Variants in TIAM2 observed in about 807,000 individuals in gnomAD.
The protein encoded by TIAM2 is TIAM Rac1 associated GEF 2.
In TIAM2, 80 loss-of-function variants were observed where a neutral mutation model predicts 152.9. That is an observed-to-expected ratio of 0.52 (90% CI 0.44 to 0.63). The LOEUF (loss-of-function observed/expected upper bound fraction) is 0.63. Among genes scored for constraint, TIAM2 ranks in the 30% least tolerant of loss-of-function variants. The pLI is 0.00. For missense variants in TIAM2, 1,965 were observed against 2,120.1 expected (o/e 0.93, Z 1.44); for synonymous variants, 804 against 838.0 (o/e 0.96, Z 0.70).
intron 2 of TIAM2, among the ~76,000 whole-genome samples, chr6:155,104,054 A>AC (rs67334202): frequency 2.0e-5 from 1 of 50,642 alleles, no homozygotes; most frequent in Non-Finnish European, 3.6e-5. Flanking sequence ...CCCCCCCCAC[A>AC]CCCCCACACA....
chr6:155,035,309 C>A (rs1776902762), intron 1 of TIAM2, among the ~76,000 whole-genome samples: 1 of 151,574 alleles, frequency 6.6e-6, no homozygotes, highest in African/African-American at 2.4e-5. Flanking sequence ...TGCATTTCCA[C>A]CTCCCGGGTT....
chr6:155,125,565 G>A (rs1032898668), intron 2 of TIAM2, among the ~76,000 whole-genome samples: 11 of 152,124 alleles, frequency 7.2e-5, no homozygotes, highest in Admixed American at 5.9e-4. Flanking sequence ...AGGGCTGGGC[G>A]CGGTGGCTCA....
At chr6:155,182,836 G>T (rs545154142) in intron 13 of TIAM2, among the ~76,000 whole-genome samples, 47 of 152,332 alleles carry the variant, frequency 3.1e-4, no homozygotes, top group African/African-American at 1.1e-3. Flanking sequence ...CTTGAACCGG[G>T]GAGACAGAGG....
chr6:155,032,055 GCGTGTAC>G (rs1776832499), intron 1 of TIAM2, among the ~76,000 whole-genome samples: 1 of 152,096 alleles, frequency 6.6e-6, no homozygotes, highest in Non-Finnish European at 1.5e-5. Flanking sequence ...TCAAAGTATA[GCGTGTAC>G]TTTATACGAT....
At chr6:155,172,660 ATATATATATATATATATATATATATATTT>A (rs1320218565) in intron 9 of TIAM2, among the ~76,000 whole-genome samples, 6 of 35,054 alleles carry the variant, frequency 1.7e-4, no homozygotes, top group African/African-American at 4.8e-4. Flanking sequence ...ATATATATAT[ATATATATATATATATATATATATATATTT>A]TTTTTTTTTT....
At chr6:155,124,331 CT>C (rs926381828) in intron 2 of TIAM2, among the ~76,000 whole-genome samples, 97 of 148,152 alleles carry the variant, frequency 6.5e-4, no homozygotes, top group African/African-American at 2.2e-3. Flanking sequence ...AGGTTTTGAA[CT>C]TTTTTTTTCT....
chr6:155,068,660 T>C (rs978756751), intron 1 of TIAM2, among the ~76,000 whole-genome samples: 1 of 149,158 alleles, frequency 6.7e-6, no homozygotes, highest in Non-Finnish European at 1.5e-5. Context: ...TTTCACCATG[T>C]TGGCCAGGCT....
intron 1 of TIAM2, among the ~76,000 whole-genome samples, chr6:155,024,489 A>G (rs1776559671): frequency 1.3e-5 from 2 of 151,736 alleles, no homozygotes; most frequent in South Asian, 4.1e-4. Context: ...GGGGTAAGTT[A>G]TCTTTGCCTT....
At chr6:155,088,386 A>G (rs958695452) in intron 1 of TIAM2, among the ~76,000 whole-genome samples, 2 of 152,248 alleles carry the variant, frequency 1.3e-5, no homozygotes, top group South Asian at 4.1e-4. Context: ...CGGCCCCGGT[A>G]TAGGTGTATT....
At chr6:155,161,257 G>A (rs763646856) in intron 7 of TIAM2, among the ~76,000 whole-genome samples, 4 of 152,118 alleles carry the variant, frequency 2.6e-5, no homozygotes, top group Non-Finnish European at 5.9e-5. Context: ...CACATTGTTG[G>A]CTCACTGCAA....
chr6:155,247,350 A>G (rs878911296), intron 19 of TIAM2, among the ~76,000 whole-genome samples: 1 of 151,954 alleles, frequency 6.6e-6, no homozygotes, highest in Non-Finnish European at 1.5e-5. Flanking sequence ...TTTTTTTGAG[A>G]TGGAGTCTCA....
chr6:155,157,938 C>T (rs1163674121), intron 7 of TIAM2, among the ~76,000 whole-genome samples: 1 of 152,098 alleles, frequency 6.6e-6, no homozygotes, highest in African/African-American at 2.4e-5. Context: ...GGAATTATAT[C>T]TCAAAGGAAA....
At chr6:155,139,334 C>A (rs1779635349) in intron 5 of TIAM2, among the ~76,000 whole-genome samples, 2 of 152,288 alleles carry the variant, frequency 1.3e-5, no homozygotes, top group South Asian at 4.1e-4. Context: ...CAAGTGATAC[C>A]TTTTCCTAGC....
intron 5 of TIAM2, among the ~76,000 whole-genome samples, chr6:155,142,306 C>G (rs918788336): frequency 6.6e-6 from 1 of 152,126 alleles, no homozygotes; most frequent in Non-Finnish European, 1.5e-5. Flanking sequence ...TGGCCTGGCT[C>G]TAATGTGAAA....
intron 2 of TIAM2, among the ~76,000 whole-genome samples, chr6:155,091,054 G>A (rs544048479): frequency 1.3e-5 from 2 of 152,280 alleles, no homozygotes; most frequent in South Asian, 2.1e-4. Context: ...AGCACGCTCA[G>A]ATGAACATAA....
chr6:155,236,366 A>G (rs1782759477), intron 15 of TIAM2, among the ~76,000 whole-genome samples: 1 of 152,020 alleles, frequency 6.6e-6, no homozygotes, highest in Non-Finnish European at 1.5e-5. Context: ...AGTTTTTTTA[A>G]GAAACACCCA....
intron 1 of TIAM2, among the ~76,000 whole-genome samples, chr6:155,082,932 C>T (rs1778099032): frequency 6.6e-6 from 1 of 152,036 alleles, no homozygotes; most frequent in African/African-American, 2.4e-5. Flanking sequence ...CACTCCCTCC[C>T]CAAAATCATT....
intron 15 of TIAM2, among the ~76,000 whole-genome samples, chr6:155,224,440 C>CA (rs1452067728): frequency 6.6e-6 from 1 of 152,162 alleles, no homozygotes; most frequent in Non-Finnish European, 1.5e-5. Context: ...ATGGTATTTT[C>CA]ACCATCTCAA....
In TIAM2 at chr6:154,995,860, C is replaced by G. The variant is rs1583141749; in HGVS notation, c.-209+368C>G. On this transcript the variant is annotated intron_variant, in intron 1 of 26. Coordinates refer to ENST00000682666, the MANE Select transcript of TIAM2 (RefSeq NM_012454.4). This position sits in a 1 kb window ranked among gnomAD's most constrained non-coding sequence, Gnocchi z 5.2. ...GAGGCGGCGCCCCGGCCTCCTGATACCGAGGTTCTCGCCCAAAGCCGAGCC... is the reference window on the plus strand; with the variant it reads ...GAGGCGGCGCCCCGGCCTCCTGATAGCGAGGTTCTCGCCCAAAGCCGAGCC... 6.6e-6 allele frequency among the ~76,000 whole-genome samples: 1 copy of G among 152,308 alleles called. No individual in the cohort carries two copies. Among genetic ancestry groups the G allele is most frequent in the African/African-American group, 2.4e-5 (1 of 41,584 alleles).
Sources: gnomAD v4.1 joint callset for allele counts (sites outside exome capture counted in the v4.1 genomes callset) on GRCh38, gnomAD v4.1.1 for gene constraint, Gnocchi (gnomAD v3.1) non-coding constraint, MANE v1.5 for transcripts, NCBI Gene and HGNC (gene_info 2026-07-23, HGNC 2026-07-21) for gene names.